The following SH3PXD2B variants were observed in gnomAD, a reference collection of about 807,000 sequenced individuals.
SH3PXD2B encodes SH3 and PX domain-containing protein 2B.
A neutral mutation model predicts 73.1 loss-of-function variants in SH3PXD2B; 37 were observed. The ratio of observed to expected loss-of-function variants is 0.51; its 90% CI spans 0.39 to 0.67. SH3PXD2B has a LOEUF of 0.67. Ranked by LOEUF, SH3PXD2B falls within the 30% of genes least tolerant of loss-of-function variation. The pLI, the probability that SH3PXD2B is intolerant of heterozygous loss-of-function variation, is 0.00. For synonymous variants in SH3PXD2B, 457 were observed against 480.5 expected (o/e 0.95, Z 0.64); for missense variants, 1,053 against 1,197.8 (o/e 0.88, Z 1.78).
intron 1 of SH3PXD2B, among the ~76,000 whole-genome samples, chr5:172,452,121 C>T (rs1561589089): frequency 6.6e-6 from 1 of 152,168 alleles, no homozygotes. Context: ...CCTAAGGCAG[C>T]CTGTCATGCG....
At chr5:172,348,982 G>A (rs2113284518) in intron 10 of SH3PXD2B, among the ~76,000 whole-genome samples, 2 of 152,206 alleles carry the variant, frequency 1.3e-5, no homozygotes, top group South Asian at 4.2e-4. Context: ...CAAAGCACTG[G>A]GATTACAGTC....
At chr5:172,424,659 G>A (rs1188225303) in intron 1 of SH3PXD2B, among the ~76,000 whole-genome samples, 6 of 152,190 alleles carry the variant, frequency 3.9e-5, no homozygotes, top group Non-Finnish European at 8.8e-5. Flanking sequence ...CACCTGGCAT[G>A]GCCTCATCAA....
In SH3PXD2B at chr5:172,334,372, G is replaced by A. The variant is rs1440954619; in HGVS notation, c.*3997C>T. The A allele has an allele frequency of 7.1e-6, 7 of 992,460 alleles. No individual in the cohort carries two copies. The highest frequency in any genetic ancestry group is 1.1e-4 in the East Asian group (1 of 8,856). 61.5% of individuals were successfully genotyped at this position (992,460 alleles called of 1,614,324 possible). A position where few individuals can be genotyped will look rare whatever the true frequency, so the allele number is the denominator to read the frequency against. Reference sequence around the variant, plus strand: ...CAATTCCTCCAGGCCAAGAGAGGGCGCCCTGCACCCTCAGGCCTCGATGCA... The same window carrying A: ...CAATTCCTCCAGGCCAAGAGAGGGCACCCTGCACCCTCAGGCCTCGATGCA... On this transcript the variant is annotated 3_prime_UTR_variant, in exon 13 of 13. Coordinates refer to ENST00000311601, the MANE Select transcript of SH3PXD2B (RefSeq NM_001017995.3).
downstream of SH3PXD2B, among the ~76,000 whole-genome samples, chr5:172,329,540 C>CTTTTTTTTTTTTTTTT (rs370876232): frequency 2.7e-4 from 29 of 106,438 alleles, 1 homozygote; most frequent in African/African-American, 8.3e-4. Context: ...CTTTGTTATT[C>CTTTTTTTTTTTTTTTT]TTTTTTTTTT....
intron 6 of SH3PXD2B, among the ~76,000 whole-genome samples, chr5:172,365,017 A>C (rs1272127676): frequency 6.6e-6 from 1 of 152,162 alleles, no homozygotes; most frequent in Non-Finnish European, 1.5e-5. Flanking sequence ...TAGCTGGGTG[A>C]AGGGTACTGC....
intron 4 of SH3PXD2B, among the ~76,000 whole-genome samples, chr5:172,393,010 CGTT>C (rs974717965): frequency 1.3e-5 from 2 of 152,102 alleles, no homozygotes; most frequent in African/African-American, 4.8e-5. Context: ...GCTCATCTAA[CGTT>C]GTTCTTTTTC....
chr5:172,394,780 T>C, intron 3 of SH3PXD2B, 141 bp from the exon 4 acceptor site: 2 of 784,536 alleles, frequency 2.5e-6, no homozygotes, highest in South Asian at 1.5e-5. Context: ...GTACCCCCAC[T>C]GGACTTCCGT....
At chr5:172,431,216 T>C (rs2569214) in intron 1 of SH3PXD2B, among the ~76,000 whole-genome samples, 53,379 of 152,014 alleles carry the variant, frequency 0.35, 9,566 homozygotes, top group South Asian at 0.42. Flanking sequence ...GACTGGCTCA[T>C]GGACACCATC....
chr5:172,339,956 C>T lies in SH3PXD2B; in HGVS notation c.1189-40G>A, dbSNP rs781661869. 6.2e-7 allele frequency: 1 copy of T among 1,612,106 alleles called. No homozygotes were observed. The highest frequency in any genetic ancestry group is 8.5e-7 in the Non-Finnish European group (1 of 1,179,144). ...AGAGAAAGGCACTTGGCTACGATGC[C>T]AGGGCCAGCAGATGGAATGGTTTGG... On this transcript the variant is annotated intron_variant, in intron 12 of 12. Transcript: ENST00000311601. The surrounding 1 kb of genome is among the most constrained non-coding windows in gnomAD (Gnocchi z 6.1).
intron 2 of SH3PXD2B, 76 bp from the exon 3 acceptor site, chr5:172,406,428 T>C (rs1758560603): frequency 6.6e-7 from 1 of 1,507,944 alleles, no homozygotes; most frequent in Non-Finnish European, 9.2e-7. Context: ...TTTAAAGAAA[T>C]TATGTGAAAT....
At chr5:172,439,692 G>A (rs62387194) in intron 1 of SH3PXD2B, among the ~76,000 whole-genome samples, 40,577 of 136,390 alleles carry the variant, frequency 0.3, 6,696 homozygotes, top group Non-Finnish European at 0.38. Flanking sequence ...GCACGCGCGC[G>A]CACACACACA....
chr5:172,331,764 CA>C (rs1313321489), downstream of SH3PXD2B, among the ~76,000 whole-genome samples: 1 of 152,020 alleles, frequency 6.6e-6, no homozygotes, highest in African/African-American at 2.4e-5. Context: ...CCAGCCTGGC[CA>C]ACATGGTGAA....
chr5:172,338,290 TGA>T lies in SH3PXD2B; in HGVS notation c.*77_*78del, dbSNP rs1738458560. 1 of 1,610,448 alleles carries T rather than the reference TGA, an allele frequency of 6.2e-7. No individual in the cohort carries two copies. Among genetic ancestry groups the T allele is most frequent in the Non-Finnish European group, 8.5e-7 (1 of 1,179,646 alleles). On this transcript the variant is annotated 3_prime_UTR_variant, in exon 13 of 13. Coordinates refer to ENST00000311601, the MANE Select transcript of SH3PXD2B (RefSeq NM_001017995.3). The surrounding 1 kb of genome is among the most constrained non-coding windows in gnomAD (Gnocchi z 5.1). Reference sequence around the variant, plus strand: ...TCTGCCTTGGAAGCTGCGTGGAGAATGATAAATTAAGAGGCGTATTAAATACG... The same window carrying T: ...TCTGCCTTGGAAGCTGCGTGGAGAATTAAATTAAGAGGCGTATTAAATACG...
At chr5:172,438,566 C>T (rs1440640182) in intron 1 of SH3PXD2B, among the ~76,000 whole-genome samples, 4 of 152,184 alleles carry the variant, frequency 2.6e-5, no homozygotes, top group Admixed American at 2.6e-4. Flanking sequence ...GAATGAACAG[C>T]TCTATTGCCA....
chr5:172,439,690 G>GCACACACACACA (rs1488784600), intron 1 of SH3PXD2B, among the ~76,000 whole-genome samples: 105 of 113,206 alleles, frequency 9.3e-4, no homozygotes, highest in South Asian at 2.8e-3. Context: ...GCGCACGCGC[G>GCACACACACACA]CGCACACACA....
Position 172,338,463 on chromosome 5 carries a change from T to G in SH3PXD2B, c.2642A>C (p.Lys881Thr). 1 of 1,614,224 alleles carries G rather than the reference T, an allele frequency of 6.2e-7. No homozygotes were observed. Among genetic ancestry groups the G allele is most frequent in the African/African-American group, 1.3e-5 (1 of 75,062 alleles). ...GCAGAACCACCAGCCACTGCTGTTC[T>G]TCTCCCGGACTTCAAACACTGTCCC... ...QEGTVFEVRE[K>T]NSSGWWFCQV... is the part of the protein sequence containing the mutation. The change falls in exon 13 of 13, where the codon AAG becomes ACG. Residue 881 changes from lysine (K) to threonine (T), a missense_variant. This residue lies in a region of SH3PXD2B where 587 missense variants were observed against 590.7 expected (regional missense o/e 0.99). Coordinates refer to ENST00000311601, the MANE Select transcript of SH3PXD2B (RefSeq NM_001017995.3). This position sits in a 1 kb window ranked among gnomAD's most constrained non-coding sequence, Gnocchi z 5.1.
Position 172,358,888 on chromosome 5 carries a change from A to G in SH3PXD2B, c.563-11T>C, listed in dbSNP as rs2569232. 0.7 allele frequency: 1,131,173 copies of G among 1,611,944 alleles called. 399,847 individuals carry two copies. The highest frequency in any genetic ancestry group is 0.86 in the South Asian group (78,002 of 90,856). ...TGACGAACCACCAACCTGGGGAAGC[A>G]AGAGTGCAGAATGATGTTAGTTGCA... On this transcript the variant is annotated splice_polypyrimidine_tract_variant and intron_variant, in intron 7 of 12. Coordinates refer to ENST00000311601, the MANE Select transcript of SH3PXD2B (RefSeq NM_001017995.3).
At chr5:172,387,754 A>C (rs1181419756) in intron 4 of SH3PXD2B, among the ~76,000 whole-genome samples, 1 of 152,214 alleles carries the variant, frequency 6.6e-6, no homozygotes, top group East Asian at 1.9e-4. Flanking sequence ...CAGCTAAGTC[A>C]TATTTTCATT....
intron 1 of SH3PXD2B, among the ~76,000 whole-genome samples, chr5:172,430,394 G>T (rs558333345): frequency 6.6e-6 from 1 of 152,212 alleles, no homozygotes; most frequent in African/African-American, 2.4e-5. Flanking sequence ...GGGAACACAG[G>T]CCCACTGTGC....
Sources: gnomAD v4.1 joint callset for allele counts (sites outside exome capture counted in the v4.1 genomes callset) on GRCh38, gnomAD v4.1.1 for gene constraint, gnomAD v4.1.1 regional missense constraint, Gnocchi (gnomAD v3.1) non-coding constraint, MANE v1.5 for transcripts, NCBI Gene and HGNC (gene_info 2026-07-23, HGNC 2026-07-21) for gene names.